Variants in EPHA6 observed in about 807,000 individuals in gnomAD.
The protein encoded by EPHA6 is ephrin type-A receptor 6.
EPHA6 carries 50 observed loss-of-function variants against 112.0 expected under a neutral mutation model. The observed-to-expected ratio is 0.45, with a 90% CI of 0.36 to 0.56. EPHA6 has a LOEUF of 0.56. Among genes scored for constraint, EPHA6 ranks in the 20% least tolerant of loss-of-function variants. The pLI is 0.00. For missense variants in EPHA6, 1,280 were observed against 1,417.4 expected (o/e 0.90, Z 1.56); for synonymous variants, 529 against 490.7 (o/e 1.08, Z -1.03).
At chr3:96,960,216 T>G (rs541954085) in intron 2 of EPHA6, among the ~76,000 whole-genome samples, 8 of 152,254 alleles carry the variant, frequency 5.3e-5, no homozygotes, top group Admixed American at 1.3e-4. Context: ...GGGTCTGAGA[T>G]CTCATGCAGA....
intron 5 of EPHA6, among the ~76,000 whole-genome samples, chr3:97,278,327 C>T (rs1295285479): frequency 6.6e-6 from 1 of 152,198 alleles, no homozygotes; most frequent in South Asian, 2.1e-4. Flanking sequence ...TATGCTGATA[C>T]TTAAAGATGT....
chr3:97,410,704 T>C (rs1395040020), intron 6 of EPHA6, among the ~76,000 whole-genome samples: 1 of 152,130 alleles, frequency 6.6e-6, no homozygotes, highest in East Asian at 1.9e-4. Flanking sequence ...GAATGAGTAG[T>C]GTTAGTGGTG....
chr3:97,077,477 C>A (rs1320028099), intron 3 of EPHA6, among the ~76,000 whole-genome samples: 1 of 152,046 alleles, frequency 6.6e-6, no homozygotes, highest in Non-Finnish European at 1.5e-5. Context: ...GCCATGCTGG[C>A]CCGCTGTACC....
rs201991722 is a variant in EPHA6, at chr3:97,166,381, A to AAT, written c.1115-59881_1115-59880dup. On this transcript the variant is annotated intron_variant, in intron 3 of 17. Coordinates refer to ENST00000389672, the MANE Select transcript of EPHA6 (RefSeq NM_001080448.3). The stretch of plus-strand genomic sequence containing the variant: ...GTACTTGTTTTTAAAAAAAAAAAAA[A>AAT]ATAACAAACGTGTGTATAATGGCTT... 9.9e-3 allele frequency among the ~76,000 whole-genome samples: 1,507 copies of AAT among 152,160 alleles called. 15 individuals carry two copies. Among genetic ancestry groups the AAT allele is most frequent in the Admixed American group, 0.016 (238 of 15,260 alleles).
At chr3:96,831,353 CT>C (rs955008870) in intron 1 of EPHA6, among the ~76,000 whole-genome samples, 2 of 152,056 alleles carry the variant, frequency 1.3e-5, no homozygotes, top group African/African-American at 2.4e-5. Flanking sequence ...TCATCAGCCC[CT>C]GATCCTCCTC....
At chr3:97,563,772 T>C (rs767828681) in intron 11 of EPHA6, among the ~76,000 whole-genome samples, 11 of 152,168 alleles carry the variant, frequency 7.2e-5, no homozygotes, top group South Asian at 4.1e-4. Flanking sequence ...TCTCCTTTAA[T>C]GGACATGTTT....
intron 3 of EPHA6, among the ~76,000 whole-genome samples, chr3:96,996,202 C>G (rs2043414188): frequency 6.6e-6 from 1 of 152,132 alleles, no homozygotes; most frequent in Admixed American, 6.6e-5. Context: ...CATGACATTG[C>G]AGCAATTCAT....
intron 10 of EPHA6, among the ~76,000 whole-genome samples, chr3:97,526,481 A>T: frequency 7.5e-3 from 1 of 134 alleles, no homozygotes; most frequent in Admixed American, 0.036. Context: ...ACCCAGTGGC[A>T]GTGGGGGGGT....
chr3:97,675,175 A>G (rs962525977), intron 14 of EPHA6, among the ~76,000 whole-genome samples: 6 of 152,172 alleles, frequency 3.9e-5, no homozygotes, highest in African/African-American at 1.4e-4. Flanking sequence ...ATGAAGATTT[A>G]AAGAGTATCA....
intron 2 of EPHA6, among the ~76,000 whole-genome samples, chr3:96,970,684 C>G (rs546487444): frequency 1.3e-5 from 2 of 152,170 alleles, no homozygotes; most frequent in East Asian, 3.9e-4. Flanking sequence ...GTGGGAAGCT[C>G]TATGATGAAA....
intron 3 of EPHA6, among the ~76,000 whole-genome samples, chr3:97,072,372 C>T (rs147747975): frequency 1.2e-4 from 18 of 152,088 alleles, no homozygotes; most frequent in African/African-American, 4.1e-4. Flanking sequence ...GAAATTTGGA[C>T]ATAGACACAG....
intron 1 of EPHA6, among the ~76,000 whole-genome samples, chr3:96,825,164 G>A (rs994748765): frequency 1.1e-4 from 16 of 151,686 alleles, no homozygotes; most frequent in Non-Finnish European, 1.6e-4. Flanking sequence ...GTTTTTATGC[G>A]TTTAAAGATT....
intron 6 of EPHA6, among the ~76,000 whole-genome samples, chr3:97,436,717 C>G (rs1157311565): frequency 6.6e-6 from 1 of 152,110 alleles, no homozygotes; most frequent in Non-Finnish European, 1.5e-5. Flanking sequence ...CCTTTCTTAG[C>G]TTTCTTATTT....
At chr3:97,199,944 A>G (rs1404330957) in intron 3 of EPHA6, among the ~76,000 whole-genome samples, 3 of 152,112 alleles carry the variant, frequency 2.0e-5, no homozygotes, top group African/African-American at 4.8e-5. Flanking sequence ...AATGGCAGCA[A>G]TCAATTGTCT....
intron 15 of EPHA6, among the ~76,000 whole-genome samples, chr3:97,721,826 C>G (rs2034543666): frequency 6.6e-6 from 1 of 152,180 alleles, no homozygotes; most frequent in Non-Finnish European, 1.5e-5. Flanking sequence ...TTTCCTAAAA[C>G]TGAATTCCAG....
At chr3:97,410,369 C>T (rs2107113552) in intron 6 of EPHA6, among the ~76,000 whole-genome samples, 1 of 152,096 alleles carries the variant, frequency 6.6e-6, no homozygotes, top group South Asian at 2.1e-4. Context: ...TTATATGCTG[C>T]TCAATATACA....
chr3:96,884,980 A>T (rs769335189), intron 2 of EPHA6, among the ~76,000 whole-genome samples: 28 of 152,292 alleles, frequency 1.8e-4, no homozygotes, highest in Non-Finnish European at 3.7e-4. Context: ...TATTGAAATG[A>T]TCATGCGATT....
intron 5 of EPHA6, among the ~76,000 whole-genome samples, chr3:97,328,054 C>CATATAT (rs71286029): frequency 0.031 from 3,735 of 120,800 alleles, 236 homozygotes; most frequent in African/African-American, 0.075. Context: ...CATATATACA[C>CATATAT]ATATATATAT....
intron 14 of EPHA6, among the ~76,000 whole-genome samples, chr3:97,661,163 C>T (rs748524944): frequency 2.0e-5 from 3 of 152,104 alleles, no homozygotes; most frequent in Non-Finnish European, 2.9e-5. Flanking sequence ...CTTTCTGAGT[C>T]CTCATATTAT....
Sources: gnomAD v4.1 joint callset for allele counts (sites outside exome capture counted in the v4.1 genomes callset) on GRCh38, gnomAD v4.1.1 for gene constraint, MANE v1.5 for transcripts, NCBI Gene and HGNC (gene_info 2026-07-23, HGNC 2026-07-21) for gene names.